The following TENM3 variants were observed in gnomAD, a reference collection of about 807,000 sequenced individuals.
TENM3 encodes the protein teneurin transmembrane protein 3.
A neutral mutation model predicts 255.1 loss-of-function variants in TENM3; 63 were observed. That is an observed-to-expected ratio of 0.25 (90% CI 0.20 to 0.30). TENM3 has a LOEUF of 0.30. Ranked by LOEUF, TENM3 falls within the 10% of genes least tolerant of loss-of-function variation. The pLI, the probability that TENM3 is intolerant of heterozygous loss-of-function variation, is 1.00. For missense variants in TENM3, 2,929 were observed against 3,461.1 expected (o/e 0.85, Z 3.86); for synonymous variants, 1,306 against 1,322.3 (o/e 0.99, Z 0.27).
chr4:182,461,224 T>TCC (rs1261677055), intron 3 of TENM3, among the ~76,000 whole-genome samples: 5 of 152,208 alleles, frequency 3.3e-5, no homozygotes, highest in Non-Finnish European at 7.3e-5. Flanking sequence ...ATCTTCTCTC[T>TCC]CCCCTGCTCA....
chr4:181,588,248 A>AAC, the TENM3 span, among the ~76,000 whole-genome samples: 2 of 152,240 alleles, frequency 1.3e-5, no homozygotes, highest in South Asian at 4.1e-4. Context: ...CCGCACATCA[A>AAC]ACATCTGAAG....
At chr4:182,385,470 G>A (rs960897920) in intron 3 of TENM3, among the ~76,000 whole-genome samples, 2 of 151,956 alleles carry the variant, frequency 1.3e-5, no homozygotes, top group African/African-American at 4.8e-5. Flanking sequence ...TCGCCAAGCT[G>A]GCCAGGCTGG....
the TENM3 span, among the ~76,000 whole-genome samples, chr4:181,588,492 G>A: frequency 2.6e-5 from 4 of 152,240 alleles, no homozygotes; most frequent in South Asian, 4.1e-4. Flanking sequence ...ATCTAATGTC[G>A]AGGAAGGTGG....
the TENM3 span, among the ~76,000 whole-genome samples, chr4:181,743,314 T>C: frequency 6.6e-6 from 1 of 152,150 alleles, no homozygotes; most frequent in Admixed American, 6.5e-5. Context: ...TGTTCCTATT[T>C]CTCCACATCC....
the TENM3 span, among the ~76,000 whole-genome samples, chr4:181,768,780 A>G: frequency 6.6e-6 from 1 of 152,216 alleles, no homozygotes; most frequent in Non-Finnish European, 1.5e-5. Context: ...GACATAAAAT[A>G]TTTATGGCCC....
intron 11 of TENM3, among the ~76,000 whole-genome samples, chr4:182,686,950 T>C (rs1361732662): frequency 6.6e-6 from 1 of 152,084 alleles, no homozygotes; most frequent in African/African-American, 2.4e-5. Context: ...TGAAAAAACC[T>C]GCGTGCTACC....
the TENM3 span, among the ~76,000 whole-genome samples, chr4:182,052,452 T>C: frequency 6.6e-6 from 1 of 152,210 alleles, no homozygotes; most frequent in East Asian, 1.9e-4. Flanking sequence ...TGAAGCTAAA[T>C]TCAGAGGCAT....
Position 182,365,940 on chromosome 4 carries a change from T to A in TENM3, c.511+19011T>A, listed in dbSNP as rs114685653. Reference sequence around the variant, plus strand: ...CAGGCATTCATAACACAATGGTATTTGTGTATCTACACCTAGAAAAGATAC... The same window carrying A: ...CAGGCATTCATAACACAATGGTATTAGTGTATCTACACCTAGAAAAGATAC... On this transcript the variant is annotated intron_variant, in intron 3 of 27. Transcript: ENST00000511685. Among the ~76,000 whole-genome samples, 758 of 152,232 alleles carry A rather than the reference T, an allele frequency of 5.0e-3. 5 individuals are homozygous for A. Among genetic ancestry groups the A allele is most frequent in the Non-Finnish European group, 6.1e-3 (414 of 68,018 alleles).
the TENM3 span, among the ~76,000 whole-genome samples, chr4:181,684,328 T>C: frequency 2.0e-5 from 3 of 152,192 alleles, no homozygotes; most frequent in African/African-American, 7.2e-5. Flanking sequence ...TTGAATGTGA[T>C]CTATGGACAC....
intron 1 of TENM3, among the ~76,000 whole-genome samples, chr4:182,163,167 T>C (rs1181636375): frequency 6.6e-6 from 1 of 152,154 alleles, no homozygotes; most frequent in Non-Finnish European, 1.5e-5. Flanking sequence ...TCACTGGCAG[T>C]TTCCTCTCTA....
At chr4:182,114,209 C>T in the TENM3 span, among the ~76,000 whole-genome samples, 2 of 152,134 alleles carry the variant, frequency 1.3e-5, no homozygotes, top group Admixed American at 1.3e-4. Context: ...GAATTAAAAG[C>T]AGTTGTTGAG....
At chr4:182,516,236 C>T (rs1737933065) in intron 3 of TENM3, among the ~76,000 whole-genome samples, 1 of 152,196 alleles carries the variant, frequency 6.6e-6, no homozygotes, top group African/African-American at 2.4e-5. Flanking sequence ...TCAATCTCAT[C>T]TTTAAATTGA....
At chr4:181,962,132 G>A in the TENM3 span, among the ~76,000 whole-genome samples, 4 of 152,136 alleles carry the variant, frequency 2.6e-5, no homozygotes, top group Non-Finnish European at 5.9e-5. Context: ...AATGTGTATA[G>A]CTCTAGCTAA....
chr4:182,792,412 A>C lies in TENM3; in HGVS notation c.5740A>C (p.Ile1914Leu), dbSNP rs1230968037. The C allele has an allele frequency of 1.2e-6, 2 of 1,613,906 alleles. No homozygotes were observed. Among genetic ancestry groups the C allele is most frequent in the East Asian group, 4.5e-5 (2 of 44,900 alleles). ...TIRSIGYYRNIYNPPESNASI... is the reference protein window; with the variant it reads ...TIRSIGYYRNLYNPPESNASI... ...CCGATCCATTGGCTACTACCGCAAC[A>C]TATACAACCCCCCGGAAAGCAACGC... Residue 1914 changes from isoleucine to leucine, a missense_variant, in exon 26 of 28, where the codon ATA becomes CTA. This residue lies in a region of TENM3 where 303 missense variants were observed against 425.2 expected (regional missense o/e 0.71). Coordinates refer to ENST00000511685, the MANE Select transcript of TENM3 (RefSeq NM_001080477.4). This position sits in a 1 kb window ranked among gnomAD's most constrained non-coding sequence, Gnocchi z 6.3.
chr4:181,923,439 C>A, the TENM3 span, among the ~76,000 whole-genome samples: 1 of 152,090 alleles, frequency 6.6e-6, no homozygotes, highest in Non-Finnish European at 1.5e-5. Flanking sequence ...CTAAAAAGTT[C>A]AGTGGATCAT....
At chr4:181,466,587 A>C in the TENM3 span, among the ~76,000 whole-genome samples, 1 of 152,322 alleles carries the variant, frequency 6.6e-6, no homozygotes, top group South Asian at 2.1e-4. Flanking sequence ...AGAAGAACAC[A>C]TCACAGTCAG....
intron 1 of TENM3, among the ~76,000 whole-genome samples, chr4:182,237,064 A>G (rs149701046): frequency 0.015 from 2,293 of 152,168 alleles, 34 homozygotes; most frequent in Non-Finnish European, 0.026. Context: ...ATGTGTTCTC[A>G]TTGTTCAGCT....
At chr4:182,205,706 C>T (rs1754511998) in intron 1 of TENM3, among the ~76,000 whole-genome samples, 1 of 152,186 alleles carries the variant, frequency 6.6e-6, no homozygotes, top group Admixed American at 6.5e-5. Flanking sequence ...TATTTATTTG[C>T]GTATTTATCT....
the TENM3 span, among the ~76,000 whole-genome samples, chr4:181,919,701 A>G: frequency 6.6e-6 from 1 of 152,054 alleles, no homozygotes; most frequent in African/African-American, 2.4e-5. Flanking sequence ...AAGGTTGTTC[A>G]CTATGAAATA....
Sources: allele counts gnomAD v4.1 joint callset (sites outside exome capture counted in the v4.1 genomes callset), GRCh38; gene constraint gnomAD v4.1.1; regional missense constraint gnomAD v4.1.1; non-coding constraint Gnocchi (gnomAD v3.1); transcripts MANE v1.5; gene names NCBI Gene and HGNC (gene_info 2026-07-23, HGNC 2026-07-21).